DPYSL2: variants seen among roughly 807,000 people sequenced by gnomAD.
The protein encoded by DPYSL2 is dihydropyrimidinase like 2.
In DPYSL2, 13 loss-of-function variants were observed where a neutral mutation model predicts 69.9. The ratio of observed to expected loss-of-function variants is 0.19; its 90% CI spans 0.12 to 0.30. The LOEUF (loss-of-function observed/expected upper bound fraction) is 0.30, where lower values mean the gene tolerates loss of function less well. Among genes scored for constraint, DPYSL2 ranks in the 10% least tolerant of loss-of-function variants. The pLI is 1.00. For synonymous variants in DPYSL2, 326 were observed against 359.1 expected (o/e 0.91, Z 1.04); for missense variants, 587 against 918.9 (o/e 0.64, Z 4.67).
Position 26,591,135 on chromosome 8 carries a change from G to A in DPYSL2, c.628+7152G>A, listed in dbSNP as rs370195690. On this transcript the variant is annotated intron_variant, in intron 3 of 13. Transcript: ENST00000521913. The surrounding 1 kb of genome is among the most constrained non-coding windows in gnomAD (Gnocchi z 5.8). ...GTGCCCTCATCCCAGTTCCTACTCT[G>A]CCTATGGGTGTTTTACATGGAGAGT... 9.8e-5 allele frequency among the ~76,000 whole-genome samples: 15 copies of A among 152,318 alleles called. No individual in the cohort carries two copies. Among genetic ancestry groups the A allele is most frequent in the African/African-American group, 3.1e-4 (13 of 41,568 alleles).
chr8:26,606,757 A>G (rs1198993933), intron 3 of DPYSL2, among the ~76,000 whole-genome samples: 3 of 152,224 alleles, frequency 2.0e-5, no homozygotes, highest in Non-Finnish European at 4.4e-5. Flanking sequence ...ACTATGTTGG[A>G]GGATTCACTT....
intron 7 of DPYSL2, among the ~76,000 whole-genome samples, chr8:26,633,542 A>T (rs1005455092): frequency 1.3e-5 from 2 of 152,120 alleles, no homozygotes; most frequent in Admixed American, 1.3e-4. Context: ...ATCTCAGCTC[A>T]CTGCAACCTC....
At position 26,517,377 on chromosome 8, in the gene DPYSL2, T is replaced by G. The variant is rs2117594889; in HGVS notation, c.354+2698T>G. Among the ~76,000 whole-genome samples the G allele has an allele frequency of 6.6e-6, 1 of 152,318 alleles. No homozygotes were observed. The highest frequency in any genetic ancestry group is 1.5e-5 in the Non-Finnish European group (1 of 68,032). On this transcript the variant is annotated intron_variant, in intron 1 of 13. Transcript: ENST00000521913. This position sits in a 1 kb window ranked among gnomAD's most constrained non-coding sequence, Gnocchi z 4.2. ...GCGATGGGTGTGGCTTGACTCGGCA[T>G]GTCAGATTTTGGCGGAGGAAAAGAG...
chr8:26,633,367 T>C (rs922586834), intron 7 of DPYSL2, among the ~76,000 whole-genome samples: 2 of 152,242 alleles, frequency 1.3e-5, no homozygotes, highest in African/African-American at 2.4e-5. Flanking sequence ...TGCTGATTGG[T>C]GATTCCTCTG....
chr8:26,579,776 G>A (rs1801444101), intron 1 of DPYSL2, among the ~76,000 whole-genome samples: 1 of 152,196 alleles, frequency 6.6e-6, no homozygotes, highest in African/African-American at 2.4e-5. Flanking sequence ...CACTGTGCAG[G>A]AGGAAGGAGT....
chr8:26,577,341 C>T, intron 1 of DPYSL2: 1 of 210,330 alleles, frequency 4.8e-6, no homozygotes, highest in South Asian at 5.8e-5. Flanking sequence ...CCGTTCCAGT[C>T]CTCAGCCGCG....
chr8:26,530,941 C>T (rs1400964347), intron 1 of DPYSL2, among the ~76,000 whole-genome samples: 3 of 151,942 alleles, frequency 2.0e-5, no homozygotes, highest in African/African-American at 7.3e-5. Flanking sequence ...GGCCTGTAGT[C>T]CCAGCTACAC....
intron 10 of DPYSL2, among the ~76,000 whole-genome samples, chr8:26,646,808 A>G (rs1585571829): frequency 6.6e-6 from 1 of 151,986 alleles, no homozygotes; most frequent in Non-Finnish European, 1.5e-5. Context: ...TGGGCAACAT[A>G]GTGAGATCTG....
In DPYSL2 at chr8:26,593,559, C is replaced by T. The variant is rs1801788647; in HGVS notation, c.628+9576C>T. 6.6e-6 allele frequency among the ~76,000 whole-genome samples: 1 copy of T among 152,134 alleles called. No homozygotes were observed. The highest frequency in any genetic ancestry group is 1.5e-5 in the Non-Finnish European group (1 of 68,018). On this transcript the variant is annotated intron_variant, in intron 3 of 13. Coordinates refer to ENST00000521913, the MANE Select transcript of DPYSL2 (RefSeq NM_001197293.3). The surrounding 1 kb of genome is among the most constrained non-coding windows in gnomAD (Gnocchi z 5.7). Reference sequence around the variant, plus strand: ...GGGTGGAGTCTACAGCCAGATGCTCCCCAGAAGCTTAACCATGGAGGGGCT... The same window carrying T: ...GGGTGGAGTCTACAGCCAGATGCTCTCCAGAAGCTTAACCATGGAGGGGCT...
In DPYSL2 at chr8:26,644,509, C is replaced by A. The variant is rs142175789; in HGVS notation, c.1425+418C>A. ...ATTTTTTGTGGAGATGGGGGTCTCA[C>A]TATGTTGCCCAGGCTGGTCTCGAGT... On this transcript the variant is annotated intron_variant, in intron 10 of 13. Coordinates refer to ENST00000521913, the MANE Select transcript of DPYSL2 (RefSeq NM_001197293.3). This position sits in a 1 kb window ranked among gnomAD's most constrained non-coding sequence, Gnocchi z 4.5. Among the ~76,000 whole-genome samples, 1 of 151,692 alleles carries A rather than the reference C, an allele frequency of 6.6e-6. No individual in the cohort carries two copies. The highest frequency in any genetic ancestry group is 1.5e-5 in the Non-Finnish European group (1 of 67,948).
At chr8:26,524,436 T>TA (rs1459596851) in intron 1 of DPYSL2, among the ~76,000 whole-genome samples, 2 of 152,212 alleles carry the variant, frequency 1.3e-5, no homozygotes, top group Non-Finnish European at 2.9e-5. Context: ...TCCATAATCT[T>TA]ACTGCGTAAA....
rs1801883701 is a variant in DPYSL2, at chr8:26,597,300, G to A, written c.628+13317G>A. ...GCCCGGGAGCCTTCTTCCATGCGGG[G>A]CCAGATTGAGCTGATTTCTGTCACG... On this transcript the variant is annotated intron_variant, in intron 3 of 13. Coordinates refer to ENST00000521913, the MANE Select transcript of DPYSL2 (RefSeq NM_001197293.3). The surrounding 1 kb of genome is among the most constrained non-coding windows in gnomAD (Gnocchi z 5.2). Among the ~76,000 whole-genome samples, 2 of 152,182 alleles carry A rather than the reference G, an allele frequency of 1.3e-5. No homozygotes were observed. Among genetic ancestry groups the A allele is most frequent in the South Asian group, 4.1e-4 (2 of 4,826 alleles).
chr8:26,541,801 A>G (rs1404222630), intron 1 of DPYSL2, among the ~76,000 whole-genome samples: 1 of 152,260 alleles, frequency 6.6e-6, no homozygotes, highest in Non-Finnish European at 1.5e-5. Flanking sequence ...AACCTGTAAC[A>G]GATACACAAG....
Position 26,588,261 on chromosome 8 carries a change from G to A in DPYSL2, c.628+4278G>A, listed in dbSNP as rs984042984. ...ACCTGAGTATTCACTGAGAGCAGGC[G>A]CTGTCTAGGCGTGGCTGGCGGACTG... On this transcript the variant is annotated intron_variant, in intron 3 of 13. Coordinates refer to ENST00000521913, the MANE Select transcript of DPYSL2 (RefSeq NM_001197293.3). The surrounding 1 kb of genome is among the most constrained non-coding windows in gnomAD (Gnocchi z 5.4). Among the ~76,000 whole-genome samples the A allele has an allele frequency of 6.6e-6, 1 of 152,210 alleles. No individual in the cohort carries two copies. The highest frequency in any genetic ancestry group is 1.5e-5 in the Non-Finnish European group (1 of 68,048).
chr8:26,523,248 C>T (rs1372807499), intron 1 of DPYSL2, among the ~76,000 whole-genome samples: 1 of 151,388 alleles, frequency 6.6e-6, no homozygotes, highest in South Asian at 2.1e-4. Context: ...AAGGCAGCAA[C>T]CAACAAGCTG....
chr8:26,593,183 C>T lies in DPYSL2; in HGVS notation c.628+9200C>T, dbSNP rs1261411650. ...GAGGATGTTGCTGGGGGTTGGGTCG[C>T]GGTGGCTGAGGCTGCTGTCCAGTTA... On this transcript the variant is annotated intron_variant, in intron 3 of 13. Transcript: ENST00000521913. The surrounding 1 kb of genome is among the most constrained non-coding windows in gnomAD (Gnocchi z 5.7). Among the ~76,000 whole-genome samples, 4 of 152,018 alleles carry T rather than the reference C, an allele frequency of 2.6e-5. No homozygotes were observed. The highest frequency in any genetic ancestry group is 4.4e-5 in the Non-Finnish European group (3 of 67,986).
In DPYSL2 at chr8:26,609,185, A is replaced by G. The variant is rs902360520; in HGVS notation, c.629-14958A>G. On this transcript the variant is annotated intron_variant, in intron 3 of 13. Transcript: ENST00000521913. This position sits in a 1 kb window ranked among gnomAD's most constrained non-coding sequence, Gnocchi z 6.5. ...GATGTCTTGAAATAGAGGGGTGAGC[A>G]TCACCTCATTTATTTCAACCCATAT... is the stretch of plus-strand genomic sequence containing the variant. 1.1e-4 allele frequency among the ~76,000 whole-genome samples: 17 copies of G among 152,218 alleles called. No individual in the cohort carries two copies. Among genetic ancestry groups the G allele is most frequent in the African/African-American group, 3.9e-4 (16 of 41,456 alleles).
intron 1 of DPYSL2, among the ~76,000 whole-genome samples, chr8:26,523,327 C>T (rs73558543): frequency 0.019 from 2,902 of 152,146 alleles, 81 homozygotes; most frequent in African/African-American, 0.064. Flanking sequence ...AATAACTACA[C>T]ATAACATAAA....
chr8:26,655,519 A>T (rs1297153536), intron 13 of DPYSL2, 96 bp from the exon 14 acceptor site: 1 of 1,118,728 alleles, frequency 8.9e-7, no homozygotes, highest in Non-Finnish European at 1.3e-6. Flanking sequence ...TGCGACTAGC[A>T]CTTTTCCTCC....
Sources: allele counts gnomAD v4.1 joint callset (sites outside exome capture counted in the v4.1 genomes callset), GRCh38; gene constraint gnomAD v4.1.1; non-coding constraint Gnocchi (gnomAD v3.1); transcripts MANE v1.5; gene names NCBI Gene and HGNC (gene_info 2026-07-23, HGNC 2026-07-21).